Variants in STXBP5L observed in about 807,000 individuals in gnomAD.
The protein encoded by STXBP5L is syntaxin-binding protein 5-like.
A neutral mutation model predicts 144.5 loss-of-function variants in STXBP5L; 65 were observed. The ratio of observed to expected loss-of-function variants is 0.45; its 90% CI spans 0.37 to 0.55. The LOEUF (loss-of-function observed/expected upper bound fraction) is 0.55. STXBP5L is among the 20% of genes least tolerant of loss of function. STXBP5L has a pLI of 0.00. For missense variants in STXBP5L, 1,298 were observed against 1,405.5 expected, an observed-to-expected ratio of 0.92 and a Z score of 1.22; for synonymous variants, 505 against 469.6, an observed-to-expected ratio of 1.08 and a Z score of -0.97.
chr3:121,254,791 A>T, intron 15 of STXBP5L, 104 bp from the exon 16 acceptor site: 1 of 972,708 alleles, frequency 1.0e-6, no homozygotes, highest in Non-Finnish European at 1.5e-6. Context: ...CACTTTGTCT[A>T]CTTAGGTTTA....
At chr3:121,153,110 C>A (rs2331641) in intron 8 of STXBP5L, among the ~76,000 whole-genome samples, 99,784 of 151,804 alleles carry the variant, frequency 0.66, 33,332 homozygotes, top group Admixed American at 0.71. Flanking sequence ...ATTAAATGAC[C>A]AGATCTTGAA....
chr3:121,203,271 GCTATTTTGTAC>G (rs1428125505), intron 9 of STXBP5L, among the ~76,000 whole-genome samples: 1 of 151,898 alleles, frequency 6.6e-6, no homozygotes, highest in Non-Finnish European at 1.5e-5. Context: ...CCATTGATTG[GCTATTTTGTAC>G]CTCATTAACA....
At chr3:121,009,666 G>A (rs772503823) in intron 3 of STXBP5L, among the ~76,000 whole-genome samples, 1 of 151,964 alleles carries the variant, frequency 6.6e-6, no homozygotes, top group African/African-American at 2.4e-5. Context: ...TGCAATTAGA[G>A]AAAGGTGAAA....
intron 20 of STXBP5L, among the ~76,000 whole-genome samples, chr3:121,354,975 T>A (rs1031725423): frequency 1.1e-4 from 17 of 152,188 alleles, no homozygotes; most frequent in Non-Finnish European, 1.6e-4. Flanking sequence ...GGATATGAAA[T>A]TCTGGGTTGA....
At chr3:121,073,394 C>T (rs948556970) in intron 5 of STXBP5L, among the ~76,000 whole-genome samples, 9 of 152,120 alleles carry the variant, frequency 5.9e-5, no homozygotes, top group Non-Finnish European at 7.4e-5. Context: ...GTGGGGCACC[C>T]GAATTATTAA....
chr3:121,320,087 A>G (rs545633414), intron 20 of STXBP5L, among the ~76,000 whole-genome samples: 11 of 152,314 alleles, frequency 7.2e-5, no homozygotes, highest in Non-Finnish European at 1.3e-4. Flanking sequence ...TTTTATTATG[A>G]TTTCACTGGA....
At chr3:120,970,782 C>G (rs1450273065) in intron 3 of STXBP5L, among the ~76,000 whole-genome samples, 1 of 151,996 alleles carries the variant, frequency 6.6e-6, no homozygotes, top group Non-Finnish European at 1.5e-5. Flanking sequence ...CTTCGTGTCT[C>G]CTGAACACTG....
intron 3 of STXBP5L, among the ~76,000 whole-genome samples, chr3:121,035,342 G>A (rs1576729647): frequency 2.0e-5 from 3 of 152,154 alleles, no homozygotes; most frequent in African/African-American, 7.2e-5. Flanking sequence ...TATAGTTTGA[G>A]GTCATACATT....
intron 18 of STXBP5L, among the ~76,000 whole-genome samples, chr3:121,271,567 ATTGAACACTTT>A (rs2050735461): frequency 6.6e-6 from 1 of 152,222 alleles, no homozygotes; most frequent in South Asian, 2.1e-4. Flanking sequence ...AAAAACAAAC[ATTGAACACTTT>A]TTGATATATA....
chr3:121,056,671 A>G (rs1363198479), intron 5 of STXBP5L, among the ~76,000 whole-genome samples: 1 of 152,194 alleles, frequency 6.6e-6, no homozygotes, highest in African/African-American at 2.4e-5. Context: ...AGTGTATGCA[A>G]TAAAGGATCT....
chr3:121,307,107 G>C (rs1478620447), intron 19 of STXBP5L, among the ~76,000 whole-genome samples: 2 of 151,998 alleles, frequency 1.3e-5, no homozygotes, highest in Admixed American at 1.3e-4. Context: ...CAATGTAGAG[G>C]AAATAAACCT....
At chr3:121,124,550 G>A (rs2044617525) in intron 7 of STXBP5L, among the ~76,000 whole-genome samples, 2 of 151,872 alleles carry the variant, frequency 1.3e-5, no homozygotes, top group African/African-American at 4.8e-5. Flanking sequence ...TTGCTCTTGT[G>A]ACTTGTGACT....
At chr3:121,282,411 C>A in intron 19 of STXBP5L, 1 of 1,426,542 alleles carries the variant, frequency 7.0e-7, no homozygotes, top group South Asian at 1.2e-5. Flanking sequence ...CATCAGTGCT[C>A]AGTAATGTGT....
intron 3 of STXBP5L, among the ~76,000 whole-genome samples, chr3:121,003,201 A>T (rs1360156078): frequency 6.6e-6 from 1 of 152,138 alleles, no homozygotes; most frequent in African/African-American, 2.4e-5. Context: ...ATTTCTCCAC[A>T]TCCTCTCCAG....
At chr3:121,015,451 C>T (rs1210930077) in intron 3 of STXBP5L, among the ~76,000 whole-genome samples, 1 of 152,100 alleles carries the variant, frequency 6.6e-6, no homozygotes, top group Non-Finnish European at 1.5e-5. Flanking sequence ...TCCAGATAAT[C>T]ACAGATAGTG....
intron 7 of STXBP5L, among the ~76,000 whole-genome samples, chr3:121,146,957 T>A (rs1308691550): frequency 6.6e-6 from 1 of 152,060 alleles, no homozygotes; most frequent in Non-Finnish European, 1.5e-5. Context: ...AAAATATTTT[T>A]AAAATTGGAC....
intron 22 of STXBP5L, among the ~76,000 whole-genome samples, chr3:121,396,804 A>G (rs981208563): frequency 6.6e-6 from 1 of 152,256 alleles, no homozygotes; most frequent in Non-Finnish European, 1.5e-5. Context: ...AAGGTCCTGG[A>G]AGAGGTATAT....
intron 3 of STXBP5L, among the ~76,000 whole-genome samples, chr3:120,975,971 T>G (rs1345706392): frequency 2.0e-5 from 3 of 152,026 alleles, no homozygotes; most frequent in Non-Finnish European, 4.4e-5. Context: ...GATTTTTGCA[T>G]CAATGTTCAT....
intron 9 of STXBP5L, among the ~76,000 whole-genome samples, chr3:121,178,892 G>A (rs960101349): frequency 6.6e-6 from 1 of 152,100 alleles, no homozygotes; most frequent in South Asian, 2.1e-4. Flanking sequence ...AGAGTCACAG[G>A]GTGAAAGAAG....
Sources: allele counts gnomAD v4.1 joint callset (sites outside exome capture counted in the v4.1 genomes callset), GRCh38; gene constraint gnomAD v4.1.1; transcripts MANE v1.5; gene names NCBI Gene and HGNC (gene_info 2026-07-23, HGNC 2026-07-21).